The following CCDC171 variants were observed in gnomAD, a reference collection of about 807,000 sequenced individuals.
The protein encoded by CCDC171 is coiled-coil domain-containing protein 171.
A neutral mutation model predicts 168.2 loss-of-function variants in CCDC171; 177 were observed. That is an observed-to-expected ratio of 1.05 (90% CI 0.93 to 1.19). The LOEUF (loss-of-function observed/expected upper bound fraction) is 1.19, where lower values mean the gene tolerates loss of function less well. Ranked by LOEUF, CCDC171 falls within the 50% of genes most tolerant of loss-of-function variation. CCDC171 has a pLI of 0.00. For missense variants in CCDC171, 1,991 were observed against 1,539.0 expected (o/e 1.29, Z -4.91); for synonymous variants, 687 against 540.8 (o/e 1.27, Z -3.75).
At chr9:15,845,911 G>T (rs2060876213) in intron 21 of CCDC171, among the ~76,000 whole-genome samples, 1 of 152,084 alleles carries the variant, frequency 6.6e-6, no homozygotes, top group African/African-American at 2.4e-5. Flanking sequence ...TAAGCCTTCA[G>T]TGTAAAGTTG....
At chr9:15,626,388 G>T (rs527318296) in intron 7 of CCDC171, among the ~76,000 whole-genome samples, 146 of 152,108 alleles carry the variant, frequency 9.6e-4, no homozygotes, top group African/African-American at 3.0e-3. Context: ...CCCTGTCTTG[G>T]GCCAGTTTTC....
At chr9:15,866,667 G>T (rs1001764984) in intron 23 of CCDC171, among the ~76,000 whole-genome samples, 1 of 151,996 alleles carries the variant, frequency 6.6e-6, no homozygotes, top group African/African-American at 2.4e-5. Context: ...AAAGATAAAG[G>T]TTTGAGATTG....
intron 16 of CCDC171, among the ~76,000 whole-genome samples, chr9:15,735,616 G>T (rs909510851): frequency 2.8e-4 from 42 of 152,200 alleles, no homozygotes; most frequent in African/African-American, 9.9e-4. Flanking sequence ...GGTATTGAGA[G>T]TGTATTTGGC....
intron 16 of CCDC171, among the ~76,000 whole-genome samples, chr9:15,742,829 G>A (rs1051572698): frequency 1.3e-5 from 2 of 151,836 alleles, no homozygotes; most frequent in Non-Finnish European, 2.9e-5. Flanking sequence ...AATAGAAACA[G>A]GGTCTTGCAC....
intron 25 of CCDC171, among the ~76,000 whole-genome samples, chr9:15,933,158 T>G (rs1226775625): frequency 6.6e-6 from 1 of 151,942 alleles, no homozygotes; most frequent in East Asian, 1.9e-4. Flanking sequence ...ATAGTTTGAG[T>G]AGAATTTTTA....
At chr9:15,846,480 A>T (rs1248448445) in intron 21 of CCDC171, among the ~76,000 whole-genome samples, 2 of 152,184 alleles carry the variant, frequency 1.3e-5, no homozygotes. Context: ...AAAAAATAAA[A>T]TGGAACTGTA....
At chr9:15,603,124 G>C (rs549167017) in intron 6 of CCDC171, among the ~76,000 whole-genome samples, 1 of 151,862 alleles carries the variant, frequency 6.6e-6, no homozygotes, top group Non-Finnish European at 1.5e-5. Flanking sequence ...TGGGCCTACA[G>C]GCGCCCGTCA....
At chr9:15,698,617 A>G (rs1371331143) in intron 11 of CCDC171, among the ~76,000 whole-genome samples, 1 of 151,738 alleles carries the variant, frequency 6.6e-6, no homozygotes, top group Non-Finnish European at 1.5e-5. Context: ...TTACGTTGCT[A>G]CAAATGACAG....
intron 9 of CCDC171, among the ~76,000 whole-genome samples, chr9:15,669,072 T>C (rs1440936363): frequency 6.6e-6 from 1 of 152,196 alleles, no homozygotes; most frequent in Non-Finnish European, 1.5e-5. Context: ...TTTAAGCTTC[T>C]GTTTCTTGCC....
chr9:16,008,315 T>C (rs548225396), intron 3 of CCDC171, among the ~76,000 whole-genome samples: 2 of 152,166 alleles, frequency 1.3e-5, no homozygotes, highest in African/African-American at 2.4e-5. Flanking sequence ...TATCCCTGCA[T>C]TGTTTGTTAA....
chr9:15,704,238 C>T (rs902905931), intron 11 of CCDC171, among the ~76,000 whole-genome samples: 1 of 152,148 alleles, frequency 6.6e-6, no homozygotes, highest in African/African-American at 2.4e-5. Flanking sequence ...AAAATTAATT[C>T]ATTAATCAAG....
chr9:15,652,653 C>T (rs576908187), intron 7 of CCDC171, among the ~76,000 whole-genome samples: 1 of 152,234 alleles, frequency 6.6e-6, no homozygotes, highest in Non-Finnish European at 1.5e-5. Context: ...GTTGCCCAGG[C>T]TGGTCTTGAA....
chr9:15,723,702 G>A lies in CCDC171; in HGVS notation c.1447G>A (p.Asp483Asn). The change falls in exon 13 of 26, where the codon GAT (aspartate) becomes AAT (asparagine). Residue 483 changes from aspartate to asparagine, a missense_variant. By Grantham distance (23) the Asp-to-Asn change is conservative (BLOSUM62 1). Coordinates refer to ENST00000380701, the MANE Select transcript of CCDC171 (RefSeq NM_173550.4). ...TAAGGAAAAGGCATGTAATGAACTT[G>A]ATTCTACGAAACAGAAGATAGACTC... is the stretch of plus-strand genomic sequence containing the variant. Reference protein sequence around the residue: ...SNEEKACNELDSTKQKIDSHT... With the variant: ...SNEEKACNELNSTKQKIDSHT... The A allele has an allele frequency of 6.3e-7, 1 of 1,592,244 alleles. No homozygotes were observed. Among genetic ancestry groups the A allele is most frequent in the Middle Eastern group, 1.7e-4 (1 of 6,004 alleles).
At chr9:15,602,750 C>G (rs1034956638) in intron 6 of CCDC171, among the ~76,000 whole-genome samples, 1 of 149,934 alleles carries the variant, frequency 6.7e-6, no homozygotes, top group African/African-American at 2.5e-5. Flanking sequence ...CTCCGCCTCC[C>G]GGGTTTAAGC....
chr9:15,716,432 A>G lies in CCDC171; in HGVS notation c.1319-5337A>G, dbSNP rs374154799. On this transcript the variant is annotated intron_variant, in intron 11 of 25. Coordinates refer to ENST00000380701, the MANE Select transcript of CCDC171 (RefSeq NM_173550.4). Reference sequence around the variant, plus strand: ...TTATTAGGTTAAGTCAAATCACTCAATAAGGTCCTCGGTTTAGGGTGACCC... The same window carrying G: ...TTATTAGGTTAAGTCAAATCACTCAGTAAGGTCCTCGGTTTAGGGTGACCC... Among the ~76,000 whole-genome samples, 72 of 152,196 alleles carry G rather than the reference A, an allele frequency of 4.7e-4. 1 individual carries two copies. In the South Asian group the frequency reaches 0.015, roughly 32 times the overall value.
upstream of CCDC171, among the ~76,000 whole-genome samples, chr9:16,042,382 G>T (rs1364181248): frequency 6.6e-6 from 1 of 152,204 alleles, no homozygotes; most frequent in East Asian, 1.9e-4. Flanking sequence ...CTAATAGGCA[G>T]CCTCTTGAGG....
the CCDC171 span, among the ~76,000 whole-genome samples, chr9:16,103,763 G>T: frequency 6.6e-6 from 1 of 152,198 alleles, no homozygotes; most frequent in South Asian, 2.1e-4. Context: ...ATCAGGATTA[G>T]CCCAGTGACC....
intron 18 of CCDC171, among the ~76,000 whole-genome samples, chr9:15,772,227 G>A (rs1318026851): frequency 6.6e-6 from 1 of 152,060 alleles, no homozygotes; most frequent in Non-Finnish European, 1.5e-5. Flanking sequence ...TTCGTGGATC[G>A]ATCTATTTCC....
intron 11 of CCDC171, among the ~76,000 whole-genome samples, chr9:15,697,144 A>G (rs1179289807): frequency 6.6e-6 from 1 of 152,204 alleles, no homozygotes; most frequent in Admixed American, 6.5e-5. Flanking sequence ...GAATGACAGA[A>G]TAAAGCAGTC....
Sources: gnomAD v4.1 joint callset for allele counts (sites outside exome capture counted in the v4.1 genomes callset) on GRCh38, gnomAD v4.1.1 for gene constraint, MANE v1.5 for transcripts, NCBI Gene and HGNC (gene_info 2026-07-23, HGNC 2026-07-21) for gene names.